The following CCDC102B variants were observed in gnomAD, a reference collection of about 807,000 sequenced individuals.
CCDC102B encodes the protein coiled-coil domain containing 102B, also known as coiled-coil domain-containing protein 102B.
Under a neutral mutation model 57.4 loss-of-function variants are expected in CCDC102B, and 75 were observed. The observed-to-expected ratio is 1.31, with a 90% confidence interval of 1.08 to 1.58. The LOEUF is 1.58. CCDC102B is among the 40% of genes most tolerant of loss of function. The probability of loss-of-function intolerance (pLI) is 0.00; values close to 1 mark genes in which losing one functional copy is unlikely to be tolerated. For missense variants in CCDC102B, 636 were observed against 582.6 expected (o/e 1.09, Z -0.94); for synonymous variants, 206 against 201.9 (o/e 1.02, Z -0.17).
At position 68,715,332 on chromosome 18, in the gene CCDC102B, A is replaced by T. The variant is rs976418490; in HGVS notation, c.-163A>T. The T allele has an allele frequency of 1.6e-5, 16 of 980,844 alleles. No homozygotes were observed. The African/African-American group carries it at 2.7e-4, about 16-fold the overall frequency. The allele number at this position is 980,844 out of a possible 1,614,324, so 60.8% of individuals were successfully genotyped here. ...ACTGGGGCGCGTTTCCGGGAAGGTGAATACCGGTGAAAGTTATGCTGAGGG... is the reference window on the plus strand; with the variant it reads ...ACTGGGGCGCGTTTCCGGGAAGGTGTATACCGGTGAAAGTTATGCTGAGGG... On this transcript the variant is annotated 5_prime_UTR_variant, in exon 1 of 4. Transcript: ENST00000578970.
At chr18:68,950,802 GATTT>G (rs1446843779) in intron 6 of CCDC102B, among the ~76,000 whole-genome samples, 2 of 152,058 alleles carry the variant, frequency 1.3e-5, no homozygotes, top group Admixed American at 6.6e-5. Flanking sequence ...TAGATTTACT[GATTT>G]ATTTTAGAAA....
intron 1 of CCDC102B, among the ~76,000 whole-genome samples, chr18:68,822,304 G>A (rs2036720377): frequency 6.6e-6 from 1 of 151,778 alleles, no homozygotes; most frequent in South Asian, 2.1e-4. Flanking sequence ...TGAAGCAGGA[G>A]AATCACTTGA....
intron 6 of CCDC102B, among the ~76,000 whole-genome samples, chr18:69,001,617 A>T (rs184264271): frequency 2.6e-5 from 4 of 152,264 alleles, no homozygotes; most frequent in Non-Finnish European, 5.9e-5. Flanking sequence ...CCCGATGCAA[A>T]CAGTGTGAAC....
chr18:69,010,252 C>T (rs963601827), intron 6 of CCDC102B, among the ~76,000 whole-genome samples: 4 of 151,272 alleles, frequency 2.6e-5, no homozygotes, highest in Admixed American at 6.6e-5. Context: ...CCAATAAAGA[C>T]GTTTTCTATA....
At chr18:68,853,723 A>G (rs1045338714) in intron 4 of CCDC102B, among the ~76,000 whole-genome samples, 17 of 147,410 alleles carry the variant, frequency 1.2e-4, no homozygotes, top group Non-Finnish European at 2.2e-4. Context: ...TGAAACCTTT[A>G]TATATGGTCC....
chr18:69,015,509 C>CTTTTCAA (rs1258386009), intron 7 of CCDC102B, among the ~76,000 whole-genome samples: 13 of 152,276 alleles, frequency 8.5e-5, no homozygotes, highest in African/African-American at 2.6e-4. Flanking sequence ...TATTGCTGAA[C>CTTTTCAA]TTTTCAATTT....
chr18:68,738,213 C>T (rs975837869), intron 2 of CCDC102B, among the ~76,000 whole-genome samples: 3 of 152,072 alleles, frequency 2.0e-5, no homozygotes, highest in Non-Finnish European at 4.4e-5. Flanking sequence ...ACCTCCATTG[C>T]TATAAAGTGG....
chr18:68,849,258 G>A (rs950118590), intron 4 of CCDC102B, among the ~76,000 whole-genome samples: 15 of 152,146 alleles, frequency 9.9e-5, no homozygotes, highest in Admixed American at 3.9e-4. Flanking sequence ...GCTATTCTGC[G>A]TACATCAAGG....
chr18:69,053,866 A>C (rs557355089), intron 7 of CCDC102B, among the ~76,000 whole-genome samples, 164 bp from the exon 8 acceptor site: 8 of 152,102 alleles, frequency 5.3e-5, no homozygotes, highest in African/African-American at 1.9e-4. Flanking sequence ...CAAGCTACTT[A>C]ATATATGTAC....
chr18:69,028,374 T>C (rs2052049477), intron 7 of CCDC102B, among the ~76,000 whole-genome samples: 1 of 152,150 alleles, frequency 6.6e-6, no homozygotes, highest in Non-Finnish European at 1.5e-5. Context: ...GTGGAGGTAG[T>C]TGGGAGAGAG....
chr18:69,025,626 A>C (rs934470556), intron 7 of CCDC102B, among the ~76,000 whole-genome samples: 2 of 152,222 alleles, frequency 1.3e-5, no homozygotes, highest in African/African-American at 4.8e-5. Flanking sequence ...AAGCACACCA[A>C]AGTTCTAATT....
Position 68,758,944 on chromosome 18 carries a change from A to C in CCDC102B, c.-67+42350A>C, listed in dbSNP as rs142695449. 8.0e-3 allele frequency among the ~76,000 whole-genome samples: 1,220 copies of C among 151,786 alleles called. 18 individuals carry two copies. The highest frequency in any genetic ancestry group is 0.028 in the African/African-American group (1,143 of 41,482). On this transcript the variant is annotated intron_variant, in intron 2 of 3. Coordinates refer to the CCDC102B transcript ENST00000578970. ...ATAAAGAGAGAAAAAAACCTAAAAAAAAAAACCTCAAATGGATGAAATGAT... is the reference window on the plus strand; with the variant it reads ...ATAAAGAGAGAAAAAAACCTAAAAACAAAAACCTCAAATGGATGAAATGAT...
intron 6 of CCDC102B, among the ~76,000 whole-genome samples, chr18:68,987,327 T>G (rs1599798678): frequency 6.6e-6 from 1 of 152,148 alleles, no homozygotes; most frequent in Middle Eastern, 3.4e-3. Flanking sequence ...GGGAAAAGAC[T>G]CCCCATTCAA....
intron 3 of CCDC102B, among the ~76,000 whole-genome samples, chr18:68,844,912 A>G (rs1349776760): frequency 6.6e-6 from 1 of 151,874 alleles, no homozygotes; most frequent in Non-Finnish European, 1.5e-5. Flanking sequence ...CAGAAGACCT[A>G]AACTTTCAAG....
intron 2 of CCDC102B, among the ~76,000 whole-genome samples, chr18:68,741,819 G>T (rs1421771816): frequency 1.3e-5 from 2 of 152,140 alleles, no homozygotes; most frequent in Non-Finnish European, 2.9e-5. Flanking sequence ...AACAGACAAA[G>T]TTGTTGGGCC....
At chr18:68,761,806 G>A (rs1019890913) in intron 2 of CCDC102B, among the ~76,000 whole-genome samples, 6 of 151,926 alleles carry the variant, frequency 3.9e-5, no homozygotes, top group African/African-American at 1.2e-4. Context: ...GTTCATTTAC[G>A]TTTATGATAA....
chr18:68,737,802 G>C (rs988083354), intron 2 of CCDC102B, among the ~76,000 whole-genome samples: 6 of 151,888 alleles, frequency 4.0e-5, no homozygotes, highest in African/African-American at 1.5e-4. Context: ...CTAGCACAAA[G>C]AACATAAACT....
intron 6 of CCDC102B, among the ~76,000 whole-genome samples, chr18:68,991,167 G>T (rs2050858025): frequency 1.7e-5 from 2 of 118,146 alleles, no homozygotes; most frequent in African/African-American, 3.1e-5. Flanking sequence ...TGAATTGTTT[G>T]GACATTGGGT....
At chr18:68,971,047 T>A (rs1252712804) in intron 6 of CCDC102B, among the ~76,000 whole-genome samples, 1 of 152,044 alleles carries the variant, frequency 6.6e-6, no homozygotes, top group African/African-American at 2.4e-5. Flanking sequence ...ATGCAATAAA[T>A]ATTTGCAATA....
Sources: gnomAD v4.1 joint callset for allele counts (sites outside exome capture counted in the v4.1 genomes callset) on GRCh38, gnomAD v4.1.1 for gene constraint, MANE v1.5 for transcripts, NCBI Gene and HGNC (gene_info 2026-07-23, HGNC 2026-07-21) for gene names.